The following CAMK4 variants were observed in gnomAD, a reference collection of about 807,000 sequenced individuals.
CAMK4 encodes calcium/calmodulin-dependent protein kinase type IV.
A neutral mutation model predicts 44.9 loss-of-function variants in CAMK4; 22 were observed. That is an observed-to-expected ratio of 0.49 (90% CI 0.35 to 0.70). The LOEUF (loss-of-function observed/expected upper bound fraction) is 0.70, where lower values mean the gene tolerates loss of function less well. Among genes scored for constraint, CAMK4 ranks in the 30% least tolerant of loss-of-function variants. CAMK4 has a pLI of 0.01. For synonymous variants in CAMK4, 218 were observed against 215.4 expected (o/e 1.01, Z -0.11); for missense variants, 498 against 586.8 (o/e 0.85, Z 1.56).
At chr5:111,448,663 G>A (rs1015471360) in intron 6 of CAMK4, among the ~76,000 whole-genome samples, 11 of 152,066 alleles carry the variant, frequency 7.2e-5, no homozygotes, top group African/African-American at 2.2e-4. Context: ...AAAATTAGCC[G>A]GGTGTGGTGG....
At chr5:111,386,700 TGAG>T (rs1234780237) in intron 4 of CAMK4, among the ~76,000 whole-genome samples, 1 of 152,186 alleles carries the variant, frequency 6.6e-6, no homozygotes, top group African/African-American at 2.4e-5. Flanking sequence ...ACACACCAAC[TGAG>T]GAGAAGAGCA....
At chr5:111,358,714 C>T (rs1750477000) in intron 2 of CAMK4, among the ~76,000 whole-genome samples, 2 of 152,010 alleles carry the variant, frequency 1.3e-5, no homozygotes. Flanking sequence ...GCTCCTCTCT[C>T]TCCTCCCACC....
intron 1 of CAMK4, among the ~76,000 whole-genome samples, chr5:111,287,378 A>G (rs1010301484): frequency 2.6e-5 from 4 of 152,182 alleles, no homozygotes; most frequent in African/African-American, 9.7e-5. Context: ...AGAGTTTAGA[A>G]AAGATCAATA....
chr5:111,300,079 G>T (rs1029862710), intron 1 of CAMK4, among the ~76,000 whole-genome samples: 6 of 152,058 alleles, frequency 3.9e-5, no homozygotes, highest in Non-Finnish European at 5.9e-5. Context: ...TTTCATCCAT[G>T]ATTTCATGTT....
At chr5:111,356,190 C>T (rs1332570434) in intron 2 of CAMK4, among the ~76,000 whole-genome samples, 27 of 147,920 alleles carry the variant, frequency 1.8e-4, no homozygotes, top group African/African-American at 6.3e-4. Context: ...TTAATGATTG[C>T]CATTCTAACT....
intron 1 of CAMK4, among the ~76,000 whole-genome samples, chr5:111,249,648 G>A (rs1226874204): frequency 8.8e-6 from 1 of 113,010 alleles, no homozygotes. Context: ...ATATATATGT[G>A]TGTGTGTGTG....
At chr5:111,464,645 C>T (rs1036190864) in intron 7 of CAMK4, among the ~76,000 whole-genome samples, 5 of 151,868 alleles carry the variant, frequency 3.3e-5, no homozygotes, top group African/African-American at 9.7e-5. Flanking sequence ...TAAGGATTAC[C>T]GTTACATTAA....
rs1755611385 is a variant in CAMK4, at chr5:111,486,191, G to C, written c.*1725G>C. On this transcript the variant is annotated 3_prime_UTR_variant, in exon 11 of 11. Transcript: ENST00000282356. ...TACTGTTCTCATGGGAAGAAAACAA[G>C]GTAGGACTTCTTATCTTTCATAGTT... The C allele has an allele frequency of 6.6e-6, 1 of 152,018 alleles. No individual in the cohort carries two copies. The highest frequency in any genetic ancestry group is 1.5e-5 in the Non-Finnish European group (1 of 68,008). The allele number at this position is 152,018 out of a possible 1,614,324, so 9.4% of individuals were successfully genotyped here.
chr5:111,316,379 C>T (rs142472628), intron 1 of CAMK4, among the ~76,000 whole-genome samples: 61 of 152,290 alleles, frequency 4.0e-4, no homozygotes, highest in African/African-American at 1.5e-3. Context: ...CAGACATTTG[C>T]CCAGGAGGCT....
intron 1 of CAMK4, among the ~76,000 whole-genome samples, chr5:111,288,245 T>C (rs1002159584): frequency 7.9e-5 from 12 of 152,222 alleles, no homozygotes; most frequent in African/African-American, 2.9e-4. Flanking sequence ...GTCCACATTT[T>C]AGCTGTTACA....
chr5:111,348,789 G>A (rs422558), intron 2 of CAMK4, among the ~76,000 whole-genome samples: 139,565 of 152,074 alleles, frequency 0.92, 64,157 homozygotes, highest in East Asian at 1. Flanking sequence ...AGTCTGTGGA[G>A]AAACATAATT....
At chr5:111,259,832 A>C (rs1280765627) in intron 1 of CAMK4, among the ~76,000 whole-genome samples, 4 of 152,194 alleles carry the variant, frequency 2.6e-5, no homozygotes, top group Admixed American at 2.6e-4. Context: ...GGATTTTTAT[A>C]GATCATTAAC....
At chr5:111,402,534 T>A (rs571615702) in intron 5 of CAMK4, among the ~76,000 whole-genome samples, 3 of 152,328 alleles carry the variant, frequency 2.0e-5, no homozygotes, top group African/African-American at 7.2e-5. Context: ...AACCTTACAT[T>A]ATCTGACACA....
At position 111,295,709 on chromosome 5, in the gene CAMK4, A is replaced by G. The variant is rs77245165; in HGVS notation, c.162-48315A>G. Reference sequence around the variant, plus strand: ...ATTTACTTGCTAGAGGAAATCTGCAATATTCTAAAACTTTCATATGCTGGG... The same window carrying G: ...ATTTACTTGCTAGAGGAAATCTGCAGTATTCTAAAACTTTCATATGCTGGG... On this transcript the variant is annotated intron_variant, in intron 1 of 10. Transcript: ENST00000282356. Among the ~76,000 whole-genome samples, 634 of 152,358 alleles carry G rather than the reference A, an allele frequency of 4.2e-3. 4 individuals carry two copies. Among genetic ancestry groups the G allele is most frequent in the African/African-American group, 0.015 (615 of 41,594 alleles).
intron 1 of CAMK4, among the ~76,000 whole-genome samples, chr5:111,339,906 A>G (rs1306447581): frequency 6.6e-6 from 1 of 150,942 alleles, no homozygotes; most frequent in Non-Finnish European, 1.5e-5. Flanking sequence ...TCTTTTATGC[A>G]TGTTTATAGT....
In CAMK4 at chr5:111,281,818, G is replaced by C. The variant is rs527836012; in HGVS notation, c.161+57174G>C. Among the ~76,000 whole-genome samples the C allele has an allele frequency of 3.3e-5, 5 of 152,248 alleles. No homozygotes were observed. In the East Asian group the frequency reaches 7.7e-4, roughly 24 times the overall value. On this transcript the variant is annotated intron_variant, in intron 1 of 10. Coordinates refer to ENST00000282356, the MANE Select transcript of CAMK4 (RefSeq NM_001744.6). ...TCACGCCTGTAATCCCAGCACTTTG[G>C]GAGGCCGAGGCGGGCGGATCACGAG... is the stretch of plus-strand genomic sequence containing the variant.
chr5:111,466,006 C>T (rs147477086), intron 7 of CAMK4, among the ~76,000 whole-genome samples: 2 of 152,276 alleles, frequency 1.3e-5, no homozygotes, highest in African/African-American at 4.8e-5. Flanking sequence ...CCACCATGAT[C>T]AAGTGGGTTT....
chr5:111,346,859 G>A (rs1304928899), intron 2 of CAMK4, among the ~76,000 whole-genome samples: 1 of 102,912 alleles, frequency 9.7e-6, no homozygotes, highest in Non-Finnish European at 2.1e-5. Flanking sequence ...ACTAACACCA[G>A]GACTTGTAGT....
intron 6 of CAMK4, 140 bp downstream of exon 6, chr5:111,446,916 A>G (rs980997803): frequency 7.3e-6 from 5 of 681,970 alleles, no homozygotes; most frequent in Non-Finnish European, 1.3e-5. Flanking sequence ...AAAGGAAATA[A>G]TATGTTGTTT....
Sources: gnomAD v4.1 joint callset for allele counts (sites outside exome capture counted in the v4.1 genomes callset) on GRCh38, gnomAD v4.1.1 for gene constraint, MANE v1.5 for transcripts, NCBI Gene and HGNC (gene_info 2026-07-23, HGNC 2026-07-21) for gene names.